The following WDTC1 variants were observed in gnomAD, a reference collection of about 807,000 sequenced individuals.
WDTC1 encodes the protein WD and tetratricopeptide repeats 1, also known as WD and tetratricopeptide repeats protein 1.
Under a neutral mutation model 76.0 loss-of-function variants are expected in WDTC1, and 12 were observed. The ratio of observed to expected loss-of-function variants is 0.16; its 90% CI spans 0.10 to 0.26. The LOEUF (loss-of-function observed/expected upper bound fraction) is 0.26. WDTC1 is among the 10% of genes least tolerant of loss of function. The pLI is 1.00. For synonymous variants in WDTC1, 326 were observed against 350.8 expected (o/e 0.93, Z 0.79); for missense variants, 511 against 908.8 (o/e 0.56, Z 5.63).
chr1:27,306,472 C>A lies in WDTC1; in HGVS notation c.*89C>A. The A allele has an allele frequency of 7.1e-7, 1 of 1,416,176 alleles. No homozygotes were observed. The highest frequency in any genetic ancestry group is 9.4e-7 in the Non-Finnish European group (1 of 1,061,992). 87.7% of individuals were successfully genotyped at this position (1,416,176 alleles called of 1,614,324 possible). A position where few individuals can be genotyped will look rare whatever the true frequency, so the allele number is the denominator to read the frequency against. ...AGGGGATTCTGTTTTGGTTTGTCTT[C>A]CCCACCACCCTTTTTTTTCATTTCC... On this transcript the variant is annotated 3_prime_UTR_variant, in exon 16 of 16. Transcript: ENST00000319394. The surrounding 1 kb of genome is among the most constrained non-coding windows in gnomAD (Gnocchi z 5.0).
intron 1 of WDTC1, among the ~76,000 whole-genome samples, chr1:27,257,154 G>A (rs1179837338): frequency 1.3e-5 from 2 of 152,126 alleles, no homozygotes; most frequent in East Asian, 3.8e-4. Flanking sequence ...GAGCCACCGT[G>A]CCCGGCCTGG....
Position 27,296,370 on chromosome 1 carries a change from C to T in WDTC1, c.918C>T (p.Phe306=), listed in dbSNP as rs1278661196. 15 of 1,614,108 alleles carry T rather than the reference C, an allele frequency of 9.3e-6. No homozygotes were observed. The highest frequency in any genetic ancestry group is 1.2e-5 in the Non-Finnish European group (14 of 1,180,022). ...DLTYKQRPYT[F]LLPRKCHSSG... ...CTTACAAGCAGCGGCCGTACACCTTCCTCTTGCCTAGAAAATGCCACTCCT... is the reference window on the plus strand; with the variant it reads ...CTTACAAGCAGCGGCCGTACACCTTTCTCTTGCCTAGAAAATGCCACTCCT... Residue 306 remains phenylalanine, a synonymous_variant, in exon 10 of 16, where the codon TTC becomes TTT. Coordinates refer to ENST00000319394, the MANE Select transcript of WDTC1 (RefSeq NM_001276252.2).
At chr1:27,264,565 A>G (rs942583002) in intron 3 of WDTC1, among the ~76,000 whole-genome samples, 2 of 152,104 alleles carry the variant, frequency 1.3e-5, no homozygotes, top group Admixed American at 1.3e-4. Context: ...TGTGTCTGAC[A>G]TAGAGACTCC....
chr1:27,234,606 A>C (rs971593791), upstream of WDTC1: 10 of 391,272 alleles, frequency 2.6e-5, no homozygotes, highest in Admixed American at 1.3e-4. Context: ...GCGGAGGCGG[A>C]GACTGCGTGG....
At chr1:27,302,813 G>T (rs1409101911) in intron 13 of WDTC1, among the ~76,000 whole-genome samples, 2 of 152,162 alleles carry the variant, frequency 1.3e-5, no homozygotes, top group African/African-American at 4.8e-5. Flanking sequence ...ATGCTCCAAG[G>T]CCCTGAAGCA....
intron 6 of WDTC1, among the ~76,000 whole-genome samples, chr1:27,290,684 CTTCT>C (rs1445968485): frequency 1.1e-4 from 16 of 152,196 alleles, no homozygotes; most frequent in African/African-American, 3.9e-4. Context: ...TGTCGTTGCC[CTTCT>C]TTAACTCCTT....
rs781194309 is a variant in WDTC1, at chr1:27,287,683, C to T, written c.301C>T (p.His101Tyr). The stretch of plus-strand genomic sequence containing the variant: ...CATTTCTCCTATATAGTTCCTGCCT[C>T]ACGCTGGGGACCGCATCTTGATCAC... ...ANIFSVKFLPHAGDRILITGA... is the reference protein window; with the variant it reads ...ANIFSVKFLPYAGDRILITGA... The change falls in exon 6 of 16, where the codon CAC (histidine) becomes TAC (tyrosine). Residue 101 changes from histidine (H) to tyrosine (Y), a missense_variant. Physicochemically the swap from His to Tyr is moderately conservative, Grantham distance 83. Coordinates refer to ENST00000319394, the MANE Select transcript of WDTC1 (RefSeq NM_001276252.2). 9.9e-6 allele frequency: 16 copies of T among 1,613,526 alleles called. No individual in the cohort carries two copies. Among genetic ancestry groups the T allele is most frequent in the African/African-American group, 2.7e-5 (2 of 74,932 alleles).
intron 6 of WDTC1, among the ~76,000 whole-genome samples, chr1:27,291,514 CT>C (rs1023414570): frequency 6.6e-6 from 1 of 152,164 alleles, no homozygotes; most frequent in Non-Finnish European, 1.5e-5. Context: ...GATGTCCCCC[CT>C]ACCCACCACT....
At chr1:27,272,033 G>T (rs1391764346) in intron 3 of WDTC1, among the ~76,000 whole-genome samples, 2 of 150,104 alleles carry the variant, frequency 1.3e-5, no homozygotes, top group African/African-American at 2.4e-5. Context: ...ATCACCTGAG[G>T]TTGGGAGTTC....
At chr1:27,251,565 A>G (rs2012064265) in intron 1 of WDTC1, among the ~76,000 whole-genome samples, 1 of 152,124 alleles carries the variant, frequency 6.6e-6, no homozygotes, top group Admixed American at 6.6e-5. Context: ...CATGCCTGTC[A>G]TTCCAGCAGT....
At chr1:27,255,896 G>A (rs1458489311) in intron 1 of WDTC1, among the ~76,000 whole-genome samples, 3 of 152,018 alleles carry the variant, frequency 2.0e-5, no homozygotes, top group Non-Finnish European at 4.4e-5. Flanking sequence ...TCTTCTTCTG[G>A]GGTCTTAGCA....
chr1:27,247,066 C>CT (rs937240376), intron 1 of WDTC1, among the ~76,000 whole-genome samples: 4 of 151,036 alleles, frequency 2.6e-5, no homozygotes, highest in African/African-American at 7.3e-5. Context: ...ATTAATTAAA[C>CT]TTTTTTTTGA....
At position 27,301,142 on chromosome 1, in the gene WDTC1, C is replaced by A; in HGVS notation, c.1233-84C>A. 1.6e-6 allele frequency: 2 copies of A among 1,251,090 alleles called. No individual in the cohort carries two copies. The highest frequency in any genetic ancestry group is 3.0e-5 in the African/African-American group (2 of 67,638). The allele number at this position is 1,251,090 out of a possible 1,614,324, so 77.5% of individuals were successfully genotyped here. ...ATCTGTCAGTGGTGGGCTGGGGTGG[C>A]CACAGGAAGCAGAGGAGACTGAATG... is the stretch of plus-strand genomic sequence containing the variant. On this transcript the variant is annotated intron_variant, in intron 12 of 15. Transcript: ENST00000319394. This position sits in a 1 kb window ranked among gnomAD's most constrained non-coding sequence, Gnocchi z 5.8.
In WDTC1 at chr1:27,296,394, C is replaced by T. The variant is rs762333067; in HGVS notation, c.942C>T (p.Ser314=). The change falls in exon 10 of 16, where the codon TCC becomes TCT. Residue 314 remains serine, a synonymous_variant. Transcript: ENST00000319394. ...TCCTCTTGCCTAGAAAATGCCACTC[C>T]TCGGGGGGTAAGTTCTCCCTTAGGG... ...YTFLLPRKCH[S]SGEVQNGKMS... is the part of the protein sequence containing the mutation. 2 of 1,614,096 alleles carry T rather than the reference C, an allele frequency of 1.2e-6. No homozygotes were observed. The highest frequency in any genetic ancestry group is 1.7e-6 in the Non-Finnish European group (2 of 1,180,012).
At chr1:27,285,992 G>A (rs1007200138) in intron 5 of WDTC1, among the ~76,000 whole-genome samples, 6 of 132,824 alleles carry the variant, frequency 4.5e-5, no homozygotes, top group African/African-American at 1.6e-4. Context: ...TTATCAGGAT[G>A]GTGGTTTTTT....
chr1:27,268,065 A>G lies in WDTC1; in HGVS notation c.132+4830A>G, dbSNP rs1252507401. Among the ~76,000 whole-genome samples, 3 of 152,170 alleles carry G rather than the reference A, an allele frequency of 2.0e-5. No individual in the cohort carries two copies. In the South Asian group the frequency reaches 6.2e-4, roughly 32 times the overall value. On this transcript the variant is annotated intron_variant, in intron 3 of 15. Coordinates refer to ENST00000319394, the MANE Select transcript of WDTC1 (RefSeq NM_001276252.2). ...GGTGTTTGTACCAACTTTTGCTACT[A>G]TCATACTCCTTCTGTCTTATATCAA...
chr1:27,267,656 T>C, intron 3 of WDTC1, among the ~76,000 whole-genome samples: 1 of 152,152 alleles, frequency 6.6e-6, no homozygotes, highest in East Asian at 1.9e-4. Context: ...ATTCTTACCT[T>C]TTCTCACAAA....
chr1:27,255,924 GT>G (rs970537198), intron 1 of WDTC1, among the ~76,000 whole-genome samples: 1 of 152,046 alleles, frequency 6.6e-6, no homozygotes, highest in Non-Finnish European at 1.5e-5. Context: ...CCTGGAAGTG[GT>G]TTTCCCCCAG....
chr1:27,256,201 CACT>C (rs1253363517), intron 1 of WDTC1, among the ~76,000 whole-genome samples: 1 of 152,098 alleles, frequency 6.6e-6, no homozygotes, highest in Non-Finnish European at 1.5e-5. Flanking sequence ...CTGTTGCCAC[CACT>C]ACTTACACAG....
Sources: allele counts gnomAD v4.1 joint callset (sites outside exome capture counted in the v4.1 genomes callset), GRCh38; gene constraint gnomAD v4.1.1; non-coding constraint Gnocchi (gnomAD v3.1); transcripts MANE v1.5; gene names NCBI Gene and HGNC (gene_info 2026-07-23, HGNC 2026-07-21).